The following RBFOX3 variants were observed in gnomAD, a reference collection of about 807,000 sequenced individuals.
RBFOX3 encodes the protein RNA binding fox-1 homolog 3, also known as RNA binding protein fox-1 homolog 3.
A neutral mutation model predicts 48.7 loss-of-function variants in RBFOX3; 17 were observed. The ratio of observed to expected loss-of-function variants is 0.35; its 90% CI spans 0.24 to 0.52. The LOEUF is 0.52. Among genes scored for constraint, RBFOX3 ranks in the 20% least tolerant of loss-of-function variants. The probability of loss-of-function intolerance (pLI) is 0.94; values close to 1 mark genes in which losing one functional copy is unlikely to be tolerated. For missense variants in RBFOX3, 382 were observed against 497.5 expected (o/e 0.77, Z 2.21); for synonymous variants, 212 against 209.5 (o/e 1.01, Z -0.10).
chr17:79,168,968 T>C (rs1487171520), intron 4 of RBFOX3, among the ~76,000 whole-genome samples: 1 of 152,302 alleles, frequency 6.6e-6, no homozygotes, highest in East Asian at 1.9e-4. Context: ...ACAGCCGTGA[T>C]ACATGCCTGC....
chr17:79,284,673 G>A (rs1405950253), intron 3 of RBFOX3, among the ~76,000 whole-genome samples: 2 of 152,004 alleles, frequency 1.3e-5, no homozygotes, highest in Non-Finnish European at 2.9e-5. Context: ...CTGAGTAGCT[G>A]GGATTACAGG....
At chr17:79,170,267 A>T (rs2048984174) in intron 4 of RBFOX3, among the ~76,000 whole-genome samples, 1 of 152,150 alleles carries the variant, frequency 6.6e-6, no homozygotes, top group Non-Finnish European at 1.5e-5. Context: ...AACGGTGTCC[A>T]GCTTCCAGGA....
rs956994983 is a variant in RBFOX3 at position 79,539,089 on chromosome 17, T to G, written c.-319-56491A>C. 8.7e-4 allele frequency among the ~76,000 whole-genome samples: 133 copies of G among 152,326 alleles called. 1 individual carries two copies. Among genetic ancestry groups the G allele is most frequent in the African/African-American group, 2.9e-3 (122 of 41,572 alleles). On this transcript the variant is annotated intron_variant, in intron 1 of 14. Coordinates refer to ENST00000693108, the MANE Select transcript of RBFOX3 (RefSeq NM_001350451.2). ...ATACGTGGTCAGGTGTGGTGGCTCA[T>G]GCCTGTAACCCCAGCACTTTGGGAG...
chr17:79,111,843 G>A lies in RBFOX3; in HGVS notation c.222+3651C>T, dbSNP rs2031705371. ...CATGCTCCAGATGGTGACCCCTGCTGGGGAACACAGACCCTGGGGGTGGCT... is the reference window on the plus strand; with the variant it reads ...CATGCTCCAGATGGTGACCCCTGCTAGGGAACACAGACCCTGGGGGTGGCT... On this transcript the variant is annotated intron_variant, in intron 5 of 14. Coordinates refer to ENST00000693108, the MANE Select transcript of RBFOX3 (RefSeq NM_001350451.2). This position sits in a 1 kb window ranked among gnomAD's most constrained non-coding sequence, Gnocchi z 4.2. 1.3e-5 allele frequency among the ~76,000 whole-genome samples: 2 copies of A among 152,232 alleles called. No individual in the cohort carries two copies. The highest frequency in any genetic ancestry group is 4.8e-5 in the African/African-American group (2 of 41,468).
Position 79,103,827 on chromosome 17 carries a change from G to A in RBFOX3, c.414+246C>T, listed in dbSNP as rs1169336425. Among the ~76,000 whole-genome samples, 1 of 151,962 alleles carries A rather than the reference G, an allele frequency of 6.6e-6. No homozygotes were observed. The highest frequency in any genetic ancestry group is 2.4e-5 in the African/African-American group (1 of 41,368). On this transcript the variant is annotated intron_variant, in intron 7 of 14. Coordinates refer to ENST00000693108, the MANE Select transcript of RBFOX3 (RefSeq NM_001350451.2). The surrounding 1 kb of genome is among the most constrained non-coding windows in gnomAD (Gnocchi z 6.1). ...GGGTGGGGCCCGGACCTGGGGCCCAGGGCTCTGGGGTGCAGGCAAGAGGTC... is the reference window on the plus strand; with the variant it reads ...GGGTGGGGCCCGGACCTGGGGCCCAAGGCTCTGGGGTGCAGGCAAGAGGTC...
At chr17:79,549,065 C>A (rs2090859407) in intron 1 of RBFOX3, among the ~76,000 whole-genome samples, 1 of 152,210 alleles carries the variant, frequency 6.6e-6, no homozygotes, top group African/African-American at 2.4e-5. Context: ...TGGGCAGATG[C>A]ACTGACCAAG....
chr17:79,445,119 G>A (rs1412715121), intron 2 of RBFOX3, among the ~76,000 whole-genome samples: 3 of 152,148 alleles, frequency 2.0e-5, no homozygotes, highest in African/African-American at 7.2e-5. Context: ...TCCACTGCAG[G>A]GACAGACTCC....
intron 3 of RBFOX3, among the ~76,000 whole-genome samples, chr17:79,297,778 C>T (rs925169711): frequency 1.3e-5 from 2 of 152,240 alleles, no homozygotes; most frequent in Non-Finnish European, 2.9e-5. Flanking sequence ...GCCACAGGAG[C>T]AGATGGGGTG....
At chr17:79,567,817 C>T (rs2092524832) in intron 1 of RBFOX3, among the ~76,000 whole-genome samples, 1 of 152,184 alleles carries the variant, frequency 6.6e-6, no homozygotes, top group South Asian at 2.1e-4. Context: ...GCTCTCCAAG[C>T]CAGGGCTAGC....
At chr17:79,145,227 G>A (rs1392514239) in intron 4 of RBFOX3, among the ~76,000 whole-genome samples, 2 of 152,202 alleles carry the variant, frequency 1.3e-5, no homozygotes, top group Non-Finnish European at 2.9e-5. Context: ...GCCTGCGCAC[G>A]TCCTATCCGA....
chr17:79,261,313 G>A (rs1457895362), intron 3 of RBFOX3, among the ~76,000 whole-genome samples: 3 of 152,238 alleles, frequency 2.0e-5, no homozygotes, highest in East Asian at 3.8e-4. Flanking sequence ...ATATGTGTGA[G>A]TAAATGAAGG....
chr17:79,444,947 C>A (rs144606858), intron 2 of RBFOX3, among the ~76,000 whole-genome samples: 1 of 152,228 alleles, frequency 6.6e-6, no homozygotes, highest in East Asian at 1.9e-4. Context: ...CCATCCCCAA[C>A]CACAGGCAAC....
intron 2 of RBFOX3, among the ~76,000 whole-genome samples, chr17:79,464,324 C>G (rs547638156): frequency 1.3e-5 from 2 of 152,222 alleles, no homozygotes; most frequent in Admixed American, 6.5e-5. Flanking sequence ...AGCGACAGCC[C>G]GGAGAAGAGG....
chr17:79,469,201 G>A (rs1323250460), intron 2 of RBFOX3, among the ~76,000 whole-genome samples: 5 of 152,254 alleles, frequency 3.3e-5, no homozygotes, highest in Admixed American at 6.5e-5. Context: ...CAGAAAGGTC[G>A]GTCCAGGTCT....
intron 4 of RBFOX3, among the ~76,000 whole-genome samples, chr17:79,130,326 G>A (rs1203531694): frequency 6.6e-6 from 1 of 152,154 alleles, no homozygotes; most frequent in African/African-American, 2.4e-5. Context: ...CAGACCTAGA[G>A]GGGCTTCAGG....
At chr17:79,216,684 C>T (rs1021065421) in intron 4 of RBFOX3, among the ~76,000 whole-genome samples, 2 of 152,208 alleles carry the variant, frequency 1.3e-5, no homozygotes, top group African/African-American at 4.8e-5. Flanking sequence ...GTTCTGGCGT[C>T]TCCCTGTCCT....
chr17:79,360,294 CAG>C (rs2086063326), intron 2 of RBFOX3, among the ~76,000 whole-genome samples: 1 of 152,168 alleles, frequency 6.6e-6, no homozygotes, highest in African/African-American at 2.4e-5. Flanking sequence ...AGCTTGGAAA[CAG>C]AGAGCCTGGC....
At chr17:79,661,119 G>A in the RBFOX3 span, among the ~76,000 whole-genome samples, 2 of 152,162 alleles carry the variant, frequency 1.3e-5, no homozygotes, top group African/African-American at 2.4e-5. Context: ...ACACACTGAG[G>A]CCTGTTGGGC....
chr17:79,430,073 C>A (rs1312263721), intron 2 of RBFOX3, among the ~76,000 whole-genome samples: 1 of 152,154 alleles, frequency 6.6e-6, no homozygotes, highest in Non-Finnish European at 1.5e-5. Context: ...GACATCAGCG[C>A]ACCAACCCAG....
Sources: allele counts gnomAD v4.1 joint callset (sites outside exome capture counted in the v4.1 genomes callset), GRCh38; gene constraint gnomAD v4.1.1; non-coding constraint Gnocchi (gnomAD v3.1); transcripts MANE v1.5; gene names NCBI Gene and HGNC (gene_info 2026-07-23, HGNC 2026-07-21).